The following C8orf34 variants were observed in gnomAD, a reference collection of about 807,000 sequenced individuals.
C8orf34 encodes chromosome 8 open reading frame 34.
C8orf34 carries 65 observed loss-of-function variants against 68.3 expected under a neutral mutation model. The observed-to-expected ratio is 0.95, with a 90% CI of 0.78 to 1.17. The LOEUF (loss-of-function observed/expected upper bound fraction) is 1.17. C8orf34 is among the 50% of genes most tolerant of loss of function. The probability of loss-of-function intolerance (pLI) is 0.00; values close to 1 mark genes in which losing one functional copy is unlikely to be tolerated. For synonymous variants in C8orf34, 244 were observed against 241.2 expected, an observed-to-expected ratio of 1.01 and a Z score of -0.11; for missense variants, 664 against 655.4, an observed-to-expected ratio of 1.01 and a Z score of -0.14.
chr8:68,754,698 T>C (rs1379828549), intron 10 of C8orf34, among the ~76,000 whole-genome samples: 1 of 152,236 alleles, frequency 6.6e-6, no homozygotes, highest in East Asian at 1.9e-4. Flanking sequence ...TCTAAAAGTC[T>C]CTACCTCTGA....
chr8:68,507,296 T>C (rs998544628), intron 5 of C8orf34, among the ~76,000 whole-genome samples: 3 of 152,208 alleles, frequency 2.0e-5, no homozygotes, highest in Admixed American at 6.5e-5. Context: ...TCTGAACCCA[T>C]TGATTTATTA....
chr8:68,460,680 CAG>C (rs1811773793), intron 3 of C8orf34, among the ~76,000 whole-genome samples: 1 of 152,192 alleles, frequency 6.6e-6, no homozygotes. Context: ...CCCAGGCAAA[CAG>C]GGTCTGGAGT....
At chr8:68,744,406 G>C (rs1232138381) in intron 10 of C8orf34, among the ~76,000 whole-genome samples, 2 of 152,228 alleles carry the variant, frequency 1.3e-5, no homozygotes, top group Non-Finnish European at 2.9e-5. Flanking sequence ...CGAGCTGAGA[G>C]AAGAAGGCTT....
rs143643774 is a variant in C8orf34 at position 68,786,254 on chromosome 8, A to G, written c.1456-1189A>G. Among the ~76,000 whole-genome samples the G allele has an allele frequency of 3.3e-3, 509 of 152,260 alleles. 1 individual carries two copies. Among genetic ancestry groups the G allele is most frequent in the Middle Eastern group, 0.01 (3 of 294 alleles). On this transcript the variant is annotated intron_variant, in intron 11 of 13. Coordinates refer to ENST00000518698, the MANE Select transcript of C8orf34 (RefSeq NM_052958.4). ...AAATTTAAAGTCGTTATTTTGTTCTAGAGGAGAACCATCTTTCCCCTCTCC... is the reference window on the plus strand; with the variant it reads ...AAATTTAAAGTCGTTATTTTGTTCTGGAGGAGAACCATCTTTCCCCTCTCC...
chr8:68,800,177 A>C lies in C8orf34; in HGVS notation c.1549+12641A>C, dbSNP rs1395046194. Among the ~76,000 whole-genome samples, 3 of 152,218 alleles carry C rather than the reference A, an allele frequency of 2.0e-5. 1 individual carries two copies. The highest frequency in any genetic ancestry group is 7.2e-5 in the African/African-American group (3 of 41,462). On this transcript the variant is annotated intron_variant, in intron 12 of 13. Transcript: ENST00000518698. ...CATAGGGAAGAACTCTAATGAGAGC[A>C]TTTATATCTGTAGCTTTGGATTCAA...
chr8:68,429,576 TAGC>T (rs1479806408), intron 1 of C8orf34, among the ~76,000 whole-genome samples: 1 of 152,230 alleles, frequency 6.6e-6, no homozygotes, highest in African/African-American at 2.4e-5. Context: ...AGACTGATCA[TAGC>T]AGCCCTATTC....
intron 7 of C8orf34, among the ~76,000 whole-genome samples, chr8:68,593,677 T>C (rs191315253): frequency 6.6e-6 from 1 of 152,192 alleles, no homozygotes; most frequent in East Asian, 1.9e-4. Context: ...CTCTTATTTT[T>C]CTTTTTCTGT....
chr8:68,663,590 C>T (rs574304717), intron 8 of C8orf34, among the ~76,000 whole-genome samples: 10 of 152,292 alleles, frequency 6.6e-5, no homozygotes, highest in South Asian at 4.1e-4. Flanking sequence ...TTGAGTCAGG[C>T]ATCATCCCTG....
At chr8:68,412,619 G>A (rs943786487) in intron 1 of C8orf34, among the ~76,000 whole-genome samples, 4 of 152,044 alleles carry the variant, frequency 2.6e-5, no homozygotes, top group Non-Finnish European at 5.9e-5. Flanking sequence ...TTGCATACAG[G>A]TAGATGACCT....
At chr8:68,693,516 G>T (rs1266763333) in intron 8 of C8orf34, among the ~76,000 whole-genome samples, 1 of 152,076 alleles carries the variant, frequency 6.6e-6, no homozygotes, top group Non-Finnish European at 1.5e-5. Context: ...TGCATGAGAG[G>T]AATATCAGGT....
intron 1 of C8orf34, among the ~76,000 whole-genome samples, chr8:68,408,137 G>A (rs1297600475): frequency 6.6e-6 from 1 of 151,946 alleles, no homozygotes; most frequent in African/African-American, 2.4e-5. Context: ...AGCAGCATTA[G>A]ATTCTCCCAG....
At chr8:68,657,217 C>T (rs553875492) in intron 8 of C8orf34, among the ~76,000 whole-genome samples, 1 of 152,244 alleles carries the variant, frequency 6.6e-6, no homozygotes, top group Non-Finnish European at 1.5e-5. Context: ...CATTCGCTTC[C>T]TTTTCTGTAA....
chr8:68,420,545 A>T (rs779166127), intron 1 of C8orf34, among the ~76,000 whole-genome samples: 3 of 152,028 alleles, frequency 2.0e-5, no homozygotes, highest in Non-Finnish European at 2.9e-5. Flanking sequence ...ACACACACAC[A>T]CACATACACA....
At chr8:68,477,997 AGGGGCTGCCAT>A (rs1812695461) in intron 4 of C8orf34, among the ~76,000 whole-genome samples, 1 of 152,126 alleles carries the variant, frequency 6.6e-6, no homozygotes, top group South Asian at 2.1e-4. Context: ...CTTTGATGGG[AGGGGCTGCCAT>A]GAATACCTCT....
intron 1 of C8orf34, among the ~76,000 whole-genome samples, chr8:68,374,250 T>A (rs377317819): frequency 6.6e-6 from 1 of 152,114 alleles, no homozygotes; most frequent in African/African-American, 2.4e-5. Context: ...ACTTTAGAAT[T>A]TTTTTTAATG....
intron 10 of C8orf34, among the ~76,000 whole-genome samples, chr8:68,746,264 A>AT (rs1822489479): frequency 6.7e-6 from 1 of 150,152 alleles, no homozygotes; most frequent in African/African-American, 2.5e-5. Context: ...ATAGCACTAA[A>AT]TGCCCACAAG....
chr8:68,601,137 A>G (rs1346767261), intron 7 of C8orf34, among the ~76,000 whole-genome samples: 1 of 152,140 alleles, frequency 6.6e-6, no homozygotes, highest in Non-Finnish European at 1.5e-5. Flanking sequence ...GTGTTTCCCT[A>G]TAAATCATGC....
rs1052684317 is a variant in C8orf34, at chr8:68,686,556, C to T, written c.1242-22438C>T. On this transcript the variant is annotated intron_variant, in intron 8 of 13. Transcript: ENST00000518698. ...ATCATCTCAATAGATGCAATAAAAG[C>T]ATTTGATAAAATCCAGCATCCTTTT... 5.9e-5 allele frequency among the ~76,000 whole-genome samples: 9 copies of T among 152,008 alleles called. No homozygotes were observed. The East Asian group carries it at 1.7e-3, about 29-fold the overall frequency.
rs760188732 is a variant in C8orf34, at chr8:68,703,552, G to GC, written c.1242-5438dup. 3.6e-4 allele frequency among the ~76,000 whole-genome samples: 55 copies of GC among 152,162 alleles called. No homozygotes were observed. In the East Asian group the frequency reaches 5.2e-3, roughly 14 times the overall value. On this transcript the variant is annotated intron_variant, in intron 8 of 13. Transcript: ENST00000518698. Reference sequence around the variant, plus strand: ...AGGTTTCTTCCAGATCTTATTTCCTGCCCCAGGATGGCCAATGGGAATCAT... The same window carrying GC: ...AGGTTTCTTCCAGATCTTATTTCCTGCCCCCAGGATGGCCAATGGGAATCAT...
Sources: allele counts gnomAD v4.1 joint callset (sites outside exome capture counted in the v4.1 genomes callset), GRCh38; gene constraint gnomAD v4.1.1; transcripts MANE v1.5; gene names NCBI Gene and HGNC (gene_info 2026-07-23, HGNC 2026-07-21).